NECAB2: variants seen among roughly 807,000 people sequenced by gnomAD.
NECAB2 encodes N-terminal EF-hand calcium-binding protein 2.
Under a neutral mutation model 51.9 loss-of-function variants are expected in NECAB2, and 68 were observed. That is an observed-to-expected ratio of 1.31 (90% CI 1.08 to 1.60). The LOEUF (loss-of-function observed/expected upper bound fraction) is 1.60. Ranked by LOEUF, NECAB2 falls within the 40% of genes most tolerant of loss-of-function variation. The pLI is 0.00. For missense variants in NECAB2, 854 were observed against 490.3 expected, an observed-to-expected ratio of 1.74 and a Z score of -7.00; for synonymous variants, 329 against 203.5, an observed-to-expected ratio of 1.62 and a Z score of -5.25.
At chr16:83,966,377 C>T (rs80084745), upstream of NECAB2, 1,486 of 258,552 alleles carry the variant, frequency 5.7e-3, 32 homozygotes, top group African/African-American at 0.031. Flanking sequence ...GCTGCGTTCC[C>T]GGAACCCTGC....
intron 5 of NECAB2, 127 bp downstream of exon 5, chr16:83,981,254 C>T (rs2084486039): frequency 2.6e-6 from 2 of 771,630 alleles, no homozygotes; most frequent in Admixed American, 2.4e-5. Flanking sequence ...GTGGGCTTTG[C>T]CTGGGCCTCT....
At chr16:83,966,046 A>T, upstream of NECAB2, 2 of 1,424,842 alleles carry the variant, frequency 1.4e-6, no homozygotes, top group African/African-American at 1.4e-5. Context: ...CCCTGAGAGG[A>T]CAGAGATGAC....
At chr16:83,992,302 T>G (rs1020384364) in intron 6 of NECAB2, among the ~76,000 whole-genome samples, 18 of 151,160 alleles carry the variant, frequency 1.2e-4, no homozygotes, top group Non-Finnish European at 5.9e-5. Flanking sequence ...GTGTTAGGGG[T>G]GTGACCTGGT....
At chr16:83,996,473 C>T (rs1017431015) in intron 8 of NECAB2, among the ~76,000 whole-genome samples, 15 of 152,186 alleles carry the variant, frequency 9.9e-5, no homozygotes, top group African/African-American at 3.6e-4. Context: ...GCGTGCTTTA[C>T]CTGTGGCTGC....
At chr16:83,972,232 G>A (rs913249037) in intron 2 of NECAB2, 57 bp downstream of exon 2, 1 of 1,607,210 alleles carries the variant, frequency 6.2e-7, no homozygotes, top group African/African-American at 1.4e-5. Flanking sequence ...CGTGCTTCAT[G>A]GGGAAGGGAT....
intron 2 of NECAB2, 69 bp downstream of exon 2, chr16:83,972,244 A>G: frequency 1.2e-6 from 2 of 1,607,930 alleles, no homozygotes. Flanking sequence ...GGAAGGGATC[A>G]GGGATAGGAG....
chr16:84,000,636 G>A (rs1597232458), intron 10 of NECAB2, 88 bp from the exon 11 acceptor site: 1 of 1,042,852 alleles, frequency 9.6e-7, no homozygotes, highest in East Asian at 2.4e-5. Flanking sequence ...TGTGTATAGT[G>A]GTGGGTCTCA....
chr16:83,996,297 G>C (rs867425075), intron 8 of NECAB2, among the ~76,000 whole-genome samples: 2 of 152,196 alleles, frequency 1.3e-5, no homozygotes, highest in Admixed American at 6.5e-5. Context: ...CACTTACCAA[G>C]GCGTGTTCAT....
intron 2 of NECAB2, among the ~76,000 whole-genome samples, chr16:83,973,953 C>G (rs1431300283): frequency 2.0e-5 from 3 of 152,092 alleles, no homozygotes; most frequent in African/African-American, 4.8e-5. Context: ...AGTGTATACA[C>G]TTGGGCAGGT....
At chr16:83,966,209 G>T (rs547722242), upstream of NECAB2, 2 of 580,672 alleles carry the variant, frequency 3.4e-6, no homozygotes, top group Admixed American at 3.4e-5. Flanking sequence ...CGCAGGCCAG[G>T]GTTGGCCTAG....
chr16:83,981,484 T>TGGG (rs1196554405), intron 5 of NECAB2, among the ~76,000 whole-genome samples: 2 of 73,558 alleles, frequency 2.7e-5, no homozygotes, highest in African/African-American at 5.3e-5. Context: ...TGGGGCGTGG[T>TGGG]GGGGGGTGGT....
rs2084860802 is a variant in NECAB2 at position 84,002,606 on chromosome 16, G to C, written c.*260G>C. 2 of 575,560 alleles carry C rather than the reference G, an allele frequency of 3.5e-6. No homozygotes were observed. The highest frequency in any genetic ancestry group is 6.2e-6 in the Non-Finnish European group (2 of 322,656). 35.7% of individuals were successfully genotyped at this position (575,560 alleles called of 1,614,324 possible). On this transcript the variant is annotated 3_prime_UTR_variant, in exon 13 of 13. Coordinates refer to ENST00000305202, the MANE Select transcript of NECAB2 (RefSeq NM_019065.3). Reference sequence around the variant, plus strand: ...CTGGAGCCAGCACCCCTGCCTCCTGGTCCTGGCCTCTCCCCTACCCCTCAC... The same window carrying C: ...CTGGAGCCAGCACCCCTGCCTCCTGCTCCTGGCCTCTCCCCTACCCCTCAC...
At chr16:83,972,403 G>A (rs958660988) in intron 2 of NECAB2, among the ~76,000 whole-genome samples, 1 of 152,226 alleles carries the variant, frequency 6.6e-6, no homozygotes, top group African/African-American at 2.4e-5. Context: ...CCACTCAAGG[G>A]CTCAGTGAGT....
At chr16:83,967,873 G>A (rs1278076210), upstream of NECAB2, among the ~76,000 whole-genome samples, 1 of 150,994 alleles carries the variant, frequency 6.6e-6, no homozygotes, top group Non-Finnish European at 1.5e-5. Context: ...TGGATGAATG[G>A]TTGGGAGGGT....
At chr16:83,973,812 C>G (rs995815218) in intron 2 of NECAB2, among the ~76,000 whole-genome samples, 1 of 151,578 alleles carries the variant, frequency 6.6e-6, no homozygotes, top group African/African-American at 2.4e-5. Flanking sequence ...CTCGGTGACT[C>G]AGCAGCGTGA....
chr16:83,970,335 G>A (rs1050698210), intron 1 of NECAB2, among the ~76,000 whole-genome samples: 1 of 152,152 alleles, frequency 6.6e-6, no homozygotes, highest in African/African-American at 2.4e-5. Flanking sequence ...CTGGCCTCAA[G>A]GGGGATCTGG....
intron 5 of NECAB2, among the ~76,000 whole-genome samples, chr16:83,985,055 G>A (rs1292256458): frequency 1.3e-5 from 2 of 152,084 alleles, no homozygotes; most frequent in African/African-American, 4.8e-5. Flanking sequence ...GCTCACGCCT[G>A]TTATCCCAGT....
chr16:83,974,605 A>C (rs2084384603), intron 2 of NECAB2, among the ~76,000 whole-genome samples: 1 of 152,194 alleles, frequency 6.6e-6, no homozygotes, highest in South Asian at 2.1e-4. Flanking sequence ...GACAAGAAGT[A>C]TCAACCCCCA....
intron 6 of NECAB2, among the ~76,000 whole-genome samples, chr16:83,991,460 A>C (rs1483930556): frequency 2.2e-5 from 3 of 137,942 alleles, no homozygotes; most frequent in Non-Finnish European, 4.6e-5. Context: ...TCCGCCTCCC[A>C]GGTTCAAGCG....
Sources: allele counts gnomAD v4.1 joint callset (sites outside exome capture counted in the v4.1 genomes callset), GRCh38; gene constraint gnomAD v4.1.1; transcripts MANE v1.5; gene names NCBI Gene and HGNC (gene_info 2026-07-23, HGNC 2026-07-21).